The following TMPRSS12 variants were observed in gnomAD, a reference collection of about 807,000 sequenced individuals.
The protein encoded by TMPRSS12 is transmembrane serine protease 12, also known as transmembrane protease serine 12.
Under a neutral mutation model 26.0 loss-of-function variants are expected in TMPRSS12, and 25 were observed. The observed-to-expected ratio is 0.96, with a 90% CI of 0.70 to 1.34. TMPRSS12 has a LOEUF of 1.34. Among genes scored for constraint, TMPRSS12 ranks in the 40% most tolerant of loss-of-function variants. The probability of loss-of-function intolerance (pLI) is 0.00; values close to 1 mark genes in which losing one functional copy is unlikely to be tolerated. For missense variants in TMPRSS12, 441 were observed against 440.1 expected, an observed-to-expected ratio of 1.00 and a Z score of -0.02; for synonymous variants, 150 against 161.7, an observed-to-expected ratio of 0.93 and a Z score of 0.55.
chr12:50,852,599 C>T (rs1250786125), intron 2 of TMPRSS12, among the ~76,000 whole-genome samples: 17 of 151,840 alleles, frequency 1.1e-4, no homozygotes, highest in African/African-American at 2.2e-4. Context: ...TTAGTAGAGA[C>T]GGGGTTTCAC....
intron 2 of TMPRSS12, chr12:50,848,062 G>A (rs979455620): frequency 2.0e-5 from 3 of 151,778 alleles, no homozygotes; most frequent in African/African-American, 7.3e-5. Flanking sequence ...AGACAGGCTT[G>A]TCCTTTTTCA....
At position 50,843,035 on chromosome 12, in the gene TMPRSS12, C is replaced by T. The variant is rs112205327; in HGVS notation, c.71C>T (p.Ser24Leu). The T allele has an allele frequency of 1.9e-6, 3 of 1,605,748 alleles. No homozygotes were observed. The highest frequency in any genetic ancestry group is 2.2e-5 in the East Asian group (1 of 44,578). ...GSSHLYSDHYSPSGRHRLGPS... is the reference protein window; with the variant it reads ...GSSHLYSDHYLPSGRHRLGPS... ...TCTCACTTATACTCAGACCACTACT[C>T]GCCCTCTGGAAGGCACAGGCTCGGC... The change falls in exon 1 of 5, where the codon TCG (serine) becomes TTG (leucine). Residue 24 changes from serine to leucine, a missense_variant. Ser to Leu is a moderately radical substitution (Grantham distance 145, BLOSUM62 -2). Coordinates refer to ENST00000398458, the MANE Select transcript of TMPRSS12 (RefSeq NM_182559.3).
intron 3 of TMPRSS12, among the ~76,000 whole-genome samples, chr12:50,872,172 C>G (rs1031996038): frequency 1.3e-5 from 2 of 152,160 alleles, no homozygotes; most frequent in Admixed American, 6.5e-5. Flanking sequence ...TTCGCAATTG[C>G]AGAATCGTGG....
chr12:50,865,111 C>A (rs933118251), intron 3 of TMPRSS12, among the ~76,000 whole-genome samples: 1 of 152,122 alleles, frequency 6.6e-6, no homozygotes, highest in African/African-American at 2.4e-5. Flanking sequence ...GCAGGTGGAT[C>A]ACCTGAGACC....
intron 3 of TMPRSS12, among the ~76,000 whole-genome samples, chr12:50,863,082 G>A (rs1445802250): frequency 2.0e-5 from 3 of 151,862 alleles, no homozygotes. Context: ...TATGTGGGAG[G>A]ATCACTTGAG....
At chr12:50,851,227 C>A (rs1440736827) in intron 2 of TMPRSS12, among the ~76,000 whole-genome samples, 2 of 152,152 alleles carry the variant, frequency 1.3e-5, no homozygotes, top group Non-Finnish European at 2.9e-5. Context: ...GAATGAGAGA[C>A]ACAGAATTCA....
intron 2 of TMPRSS12, among the ~76,000 whole-genome samples, chr12:50,845,710 T>G (rs1937761029): frequency 2.0e-5 from 3 of 152,204 alleles, no homozygotes; most frequent in African/African-American, 4.8e-5. Context: ...TTACATTTGC[T>G]TCTTCTGTCC....
chr12:50,870,537 G>C (rs1362324870), intron 3 of TMPRSS12, among the ~76,000 whole-genome samples: 1 of 152,214 alleles, frequency 6.6e-6, no homozygotes, highest in South Asian at 2.1e-4. Context: ...TCTGAGAACT[G>C]GAACAAGACA....
intron 3 of TMPRSS12, 149 bp downstream of exon 3, chr12:50,859,202 C>A: frequency 1.3e-6 from 1 of 783,268 alleles, no homozygotes; most frequent in Non-Finnish European, 1.9e-6. Flanking sequence ...GATTATTTTT[C>A]CGTATTTTTA....
chr12:50,847,183 C>T (rs994776931), intron 2 of TMPRSS12, among the ~76,000 whole-genome samples: 6 of 151,752 alleles, frequency 4.0e-5, no homozygotes, highest in South Asian at 4.2e-4. Context: ...CTCAGCCTCC[C>T]GCGTAGCTGG....
At position 50,872,385 on chromosome 12, in the gene TMPRSS12, C is replaced by T. The variant is rs1337615046; in HGVS notation, c.653-12861C>T. On this transcript the variant is annotated intron_variant, in intron 3 of 4. Coordinates refer to ENST00000398458, the MANE Select transcript of TMPRSS12 (RefSeq NM_182559.3). The stretch of plus-strand genomic sequence containing the variant: ...AAAATTAGCCGGGCGCGGTGGCGGG[C>T]GCCTGTAGTCCCAGCTACTCGGGAG... Among the ~76,000 whole-genome samples the T allele has an allele frequency of 4.7e-5, 7 of 149,250 alleles. No individual in the cohort carries two copies. In the East Asian group the frequency reaches 6.0e-4, roughly 13 times the overall value.
chr12:50,851,567 A>C (rs1937826542), intron 2 of TMPRSS12, among the ~76,000 whole-genome samples: 1 of 152,134 alleles, frequency 6.6e-6, no homozygotes, highest in African/African-American at 2.4e-5. Flanking sequence ...CAAACCTACA[A>C]CTCATTGACA....
intron 3 of TMPRSS12, among the ~76,000 whole-genome samples, chr12:50,877,114 A>T (rs1412870916): frequency 2.0e-5 from 3 of 152,156 alleles, no homozygotes; most frequent in African/African-American, 7.2e-5. Context: ...TATGCTCAGT[A>T]TATGGGTTCA....
chr12:50,865,333 A>G (rs1937981116), intron 3 of TMPRSS12, among the ~76,000 whole-genome samples: 1 of 152,176 alleles, frequency 6.6e-6, no homozygotes. Context: ...ACTCTGTCTC[A>G]AAAAACAAAA....
rs376525462 is a variant in TMPRSS12 at position 50,881,074 on chromosome 12, C to T, written c.653-4172C>T. 2.0e-4 allele frequency among the ~76,000 whole-genome samples: 29 copies of T among 146,516 alleles called. No individual in the cohort carries two copies. In the South Asian group the frequency reaches 4.6e-3, roughly 23 times the overall value. On this transcript the variant is annotated intron_variant, in intron 3 of 4. Coordinates refer to ENST00000398458, the MANE Select transcript of TMPRSS12 (RefSeq NM_182559.3). ...TCAGCTCACCACAACCTCTGCCTCCCGGGTTCAAGCAATCCTTCTGCCTCA... is the reference window on the plus strand; with the variant it reads ...TCAGCTCACCACAACCTCTGCCTCCTGGGTTCAAGCAATCCTTCTGCCTCA...
chr12:50,861,124 A>T (rs774419405), intron 3 of TMPRSS12, among the ~76,000 whole-genome samples: 4 of 152,208 alleles, frequency 2.6e-5, no homozygotes, highest in Non-Finnish European at 4.4e-5. Flanking sequence ...TACCCCATTT[A>T]ACAGACCAGT....
intron 3 of TMPRSS12, among the ~76,000 whole-genome samples, chr12:50,872,782 CATATATATGACG>C (rs1938070976): frequency 8.0e-6 from 1 of 124,588 alleles, no homozygotes; most frequent in Non-Finnish European, 1.7e-5. Flanking sequence ...TATATATGTA[CATATATATGACG>C]TATATATGTA....
Position 50,887,554 on chromosome 12 carries a change from T to C in TMPRSS12, c.*41T>C. On this transcript the variant is annotated 3_prime_UTR_variant, in exon 5 of 5. Coordinates refer to ENST00000398458, the MANE Select transcript of TMPRSS12 (RefSeq NM_182559.3). ...TTTCATATCTTTATTTTGCATTGTG[T>C]CCCTTTCTATGTTCTATATAATGAA... 2 of 1,588,040 alleles carry C rather than the reference T, an allele frequency of 1.3e-6. No homozygotes were observed. Among genetic ancestry groups the C allele is most frequent in the Non-Finnish European group, 1.7e-6 (2 of 1,169,508 alleles).
At position 50,872,122 on chromosome 12, in the gene TMPRSS12, C is replaced by CA. The variant is rs577225540; in HGVS notation, c.652+13075dup. Among the ~76,000 whole-genome samples the CA allele has an allele frequency of 3.9e-5, 6 of 152,230 alleles. No individual in the cohort carries two copies. The South Asian group carries it at 1.2e-3, about 32-fold the overall frequency. ...ACCCAGAAGAAAAGAAGTCATTATT[C>CA]AAAAAAGAAACTTGCACACGCGTGT... On this transcript the variant is annotated intron_variant, in intron 3 of 4. Coordinates refer to ENST00000398458, the MANE Select transcript of TMPRSS12 (RefSeq NM_182559.3).
Sources: gnomAD v4.1 joint callset for allele counts (sites outside exome capture counted in the v4.1 genomes callset) on GRCh38, gnomAD v4.1.1 for gene constraint, MANE v1.5 for transcripts, NCBI Gene and HGNC (gene_info 2026-07-23, HGNC 2026-07-21) for gene names.